The following PIK3C3 variants were observed in gnomAD, a reference collection of about 807,000 sequenced individuals.
PIK3C3 encodes PI3-kinase type 3.
PIK3C3 carries 95 observed loss-of-function variants against 126.1 expected under a neutral mutation model. The observed-to-expected ratio is 0.75, with a 90% CI of 0.64 to 0.89. PIK3C3 has a LOEUF of 0.89. Ranked by LOEUF, PIK3C3 falls within the 40% of genes least tolerant of loss-of-function variation. PIK3C3 has a pLI of 0.00. For missense variants in PIK3C3, 829 were observed against 1,063.2 expected, an observed-to-expected ratio of 0.78 and a Z score of 3.06; for synonymous variants, 374 against 360.0, an observed-to-expected ratio of 1.04 and a Z score of -0.44.
intron 24 of PIK3C3, among the ~76,000 whole-genome samples, chr18:42,069,088 A>G (rs762868112): frequency 2.0e-5 from 3 of 152,182 alleles, no homozygotes; most frequent in Non-Finnish European, 2.9e-5. Context: ...TTTAATGAAC[A>G]TAAAGGAATT....
intron 21 of PIK3C3, among the ~76,000 whole-genome samples, chr18:42,053,396 A>G (rs1443876540): frequency 6.6e-6 from 1 of 152,220 alleles, no homozygotes; most frequent in African/African-American, 2.4e-5. Context: ...TGTATCCACC[A>G]TAAATGTAAA....
At chr18:42,018,926 G>C (rs1330819403) in intron 12 of PIK3C3, among the ~76,000 whole-genome samples, 3 of 152,096 alleles carry the variant, frequency 2.0e-5, no homozygotes, top group African/African-American at 4.8e-5. Context: ...AACCTCAGAT[G>C]AGCACTCACT....
intron 13 of PIK3C3, chr18:42,026,654 C>G (rs1272001326): frequency 6.6e-6 from 1 of 152,078 alleles, no homozygotes; most frequent in Non-Finnish European, 1.5e-5. Context: ...AGAGGCTGGT[C>G]TCAAACTCCT....
At chr18:42,077,051 C>A (rs1011727562) in intron 24 of PIK3C3, among the ~76,000 whole-genome samples, 1 of 152,136 alleles carries the variant, frequency 6.6e-6, no homozygotes, top group East Asian at 1.9e-4. Flanking sequence ...AAGTCCAGAC[C>A]ACTGCAATAA....
At chr18:41,970,538 T>C in intron 4 of PIK3C3, 82 bp downstream of exon 4, 1 of 1,230,662 alleles carries the variant, frequency 8.1e-7, no homozygotes, top group Non-Finnish European at 1.2e-6. Context: ...ATGAACTCTG[T>C]CAGATTTTTA....
rs756838870 is a variant in PIK3C3 at position 42,049,652 on chromosome 18, G to A, written c.2263+47G>A. ...TAGACATACATTGTATATGCCCATG[G>A]TTTTTACCCCTGAATCTATGTACTA... On this transcript the variant is annotated intron_variant, in intron 21 of 24. Coordinates refer to ENST00000262039, the MANE Select transcript of PIK3C3 (RefSeq NM_002647.4). The A allele has an allele frequency of 3.6e-6, 5 of 1,370,410 alleles. No homozygotes were observed. In the Admixed American group the frequency reaches 5.0e-5, roughly 14 times the overall value. 84.9% of individuals were successfully genotyped at this position (1,370,410 alleles called of 1,614,324 possible).
rs184578925 is a variant in PIK3C3 at position 42,013,485 on chromosome 18, A to C, written c.1214A>C (p.Tyr405Ser). The C allele has an allele frequency of 6.3e-7, 1 of 1,592,058 alleles. No homozygotes were observed. Among genetic ancestry groups the C allele is most frequent in the African/African-American group, 1.4e-5 (1 of 73,746 alleles). ...YLLQLVQALK[Y>S]ENFDDIKNGL... ...TTACAATTGGTCCAGGCTCTCAAAT[A>C]TGAAAATTTTGATGATATAAAGAAT... The change falls in exon 11 of 25, where the codon TAT becomes TCT. Residue 405 changes from tyrosine (Y) to serine (S), a missense_variant. By Grantham distance (144) the Tyr-to-Ser change is moderately radical. Transcript: ENST00000262039.
chr18:42,014,207 CAAAAAAAAAAA>C (rs58086258), intron 11 of PIK3C3, among the ~76,000 whole-genome samples: 88 of 40,994 alleles, frequency 2.1e-3, no homozygotes, highest in African/African-American at 7.1e-3. Context: ...GACTCCGTCT[CAAAAAAAAAAA>C]AAAAAAAAAA....
chr18:42,076,121 T>C (rs1209942529), intron 24 of PIK3C3, among the ~76,000 whole-genome samples: 3 of 55,234 alleles, frequency 5.4e-5, no homozygotes, highest in Admixed American at 2.1e-4. Context: ...TATATATATA[T>C]GCGCATATAT....
In PIK3C3 at chr18:41,987,849, T is replaced by TAG. The variant is rs1568123679; in HGVS notation, c.571_572dup (p.Asp191GlufsTer7). On this transcript the variant is annotated frameshift_variant, in exon 5 of 25. Coordinates refer to ENST00000262039, the MANE Select transcript of PIK3C3 (RefSeq NM_002647.4). LOFTEE classifies it high-confidence loss of function. The stretch of plus-strand genomic sequence containing the variant: ...CATCGACAAGGACACATGGTGAAAG[T>TAG]AGATTGGCTGGATAGATTGACATTT... 7 of 1,607,354 alleles carry TAG rather than the reference T, an allele frequency of 4.4e-6. No homozygotes were observed. The highest frequency in any genetic ancestry group is 6.0e-6 in the Non-Finnish European group (7 of 1,176,310).
At chr18:42,078,946 T>C (rs1208693664) in intron 24 of PIK3C3, among the ~76,000 whole-genome samples, 2 of 152,222 alleles carry the variant, frequency 1.3e-5, no homozygotes, top group Non-Finnish European at 2.9e-5. Context: ...ATGTTGTAGC[T>C]GGTTTGGGCT....
rs185521434 is a variant in PIK3C3, at chr18:41,999,704, A to G, written c.984+2974A>G. Among the ~76,000 whole-genome samples, 291 of 152,336 alleles carry G rather than the reference A, an allele frequency of 1.9e-3. 1 individual carries two copies. The highest frequency in any genetic ancestry group is 6.8e-3 in the African/African-American group (282 of 41,576). ...GGAAGTATAGCATAGTAATTGATTAAGGGTCACTCTCTTAATAAACATATA... is the reference window on the plus strand; with the variant it reads ...GGAAGTATAGCATAGTAATTGATTAGGGGTCACTCTCTTAATAAACATATA... On this transcript the variant is annotated intron_variant, in intron 9 of 24. Coordinates refer to ENST00000262039, the MANE Select transcript of PIK3C3 (RefSeq NM_002647.4).
chr18:42,018,254 C>T (rs968034788), intron 12 of PIK3C3, among the ~76,000 whole-genome samples: 1 of 151,964 alleles, frequency 6.6e-6, no homozygotes, highest in African/African-American at 2.4e-5. Context: ...ATTGCTTACA[C>T]AGATTGAGTT....
chr18:42,040,185 A>C (rs1229354367), intron 18 of PIK3C3, among the ~76,000 whole-genome samples: 1 of 120,186 alleles, frequency 8.3e-6, no homozygotes, highest in African/African-American at 4.2e-5. Context: ...TGGTAGTTTA[A>C]GGGATTTACA....
intron 13 of PIK3C3, among the ~76,000 whole-genome samples, chr18:42,022,018 A>G (rs1983346139): frequency 6.6e-6 from 1 of 152,206 alleles, no homozygotes; most frequent in Non-Finnish European, 1.5e-5. Context: ...TGATTTGGGA[A>G]GCTGCCCTTG....
rs373335801 is a variant in PIK3C3 at position 41,981,566 on chromosome 18, A to C, written c.532-6246A>C. Among the ~76,000 whole-genome samples, 3 of 152,298 alleles carry C rather than the reference A, an allele frequency of 2.0e-5. No individual in the cohort carries two copies. The East Asian group carries it at 5.8e-4, about 29-fold the overall frequency. On this transcript the variant is annotated intron_variant, in intron 4 of 24. Coordinates refer to ENST00000262039, the MANE Select transcript of PIK3C3 (RefSeq NM_002647.4). ...AAGAATTAAATACATAGGCATATGC[A>C]AAGTCTCTAAAACATGCACACGTAC...
rs191742780 is a variant in PIK3C3 at position 41,967,927 on chromosome 18, T to C, written c.402-2400T>C. 2.4e-3 allele frequency among the ~76,000 whole-genome samples: 372 copies of C among 152,310 alleles called. 1 individual carries two copies. The highest frequency in any genetic ancestry group is 8.4e-3 in the African/African-American group (349 of 41,564). ...GAAGGAGATCCTGCTGTGCTGTTTC[T>C]TCTCTCTCGCCTGTTTGGCTTAATT... is the stretch of plus-strand genomic sequence containing the variant. On this transcript the variant is annotated intron_variant, in intron 3 of 24. Coordinates refer to ENST00000262039, the MANE Select transcript of PIK3C3 (RefSeq NM_002647.4).
At chr18:42,048,968 A>G (rs1244967266) in intron 20 of PIK3C3, among the ~76,000 whole-genome samples, 6 of 152,336 alleles carry the variant, frequency 3.9e-5, no homozygotes, top group South Asian at 2.1e-4. Context: ...GAATAAAAAG[A>G]TAACAGAATA....
chr18:41,977,478 G>A (rs1980981190), intron 4 of PIK3C3, among the ~76,000 whole-genome samples: 1 of 151,864 alleles, frequency 6.6e-6, no homozygotes. Flanking sequence ...ATGAGAGGAA[G>A]TGGCTATATA....
Sources: gnomAD v4.1 joint callset for allele counts (sites outside exome capture counted in the v4.1 genomes callset) on GRCh38, gnomAD v4.1.1 for gene constraint, MANE v1.5 for transcripts, NCBI Gene and HGNC (gene_info 2026-07-23, HGNC 2026-07-21) for gene names.